The following NELL1 variants were observed in gnomAD, a reference collection of about 807,000 sequenced individuals.
NELL1 encodes neural EGFL like 1.
NELL1 carries 76 observed loss-of-function variants against 107.4 expected under a neutral mutation model. The ratio of observed to expected loss-of-function variants is 0.71; its 90% confidence interval spans 0.59 to 0.86. The LOEUF is 0.86. Among genes scored for constraint, NELL1 ranks in the 40% least tolerant of loss-of-function variants. NELL1 has a pLI of 0.00. For synonymous variants in NELL1, 353 were observed against 341.2 expected (o/e 1.03, Z -0.38); for missense variants, 1,024 against 1,005.5 (o/e 1.02, Z -0.25).
At chr11:21,111,083 C>A (rs1855096280) in intron 12 of NELL1, among the ~76,000 whole-genome samples, 2 of 152,132 alleles carry the variant, frequency 1.3e-5, no homozygotes, top group South Asian at 4.1e-4. Flanking sequence ...TTCCCTTGGC[C>A]TGTTTCACTT....
intron 15 of NELL1, among the ~76,000 whole-genome samples, chr11:21,437,835 T>G (rs528936160): frequency 6.6e-6 from 1 of 152,232 alleles, no homozygotes; most frequent in African/African-American, 2.4e-5. Flanking sequence ...GGTCTTTTTT[T>G]AAAATCAGTT....
intron 2 of NELL1, among the ~76,000 whole-genome samples, chr11:20,680,322 T>C (rs1394705749): frequency 6.6e-6 from 1 of 152,048 alleles, no homozygotes; most frequent in Non-Finnish European, 1.5e-5. Flanking sequence ...GCAAAATACA[T>C]TCACCCCATC....
chr11:21,480,013 T>C (rs1159060486), intron 15 of NELL1, among the ~76,000 whole-genome samples: 1 of 152,206 alleles, frequency 6.6e-6, no homozygotes, highest in African/African-American at 2.4e-5. Context: ...AGTAGTCTTC[T>C]TATCAAGCTC....
chr11:20,953,778 T>C (rs1005546737), intron 11 of NELL1, among the ~76,000 whole-genome samples: 2 of 152,186 alleles, frequency 1.3e-5, no homozygotes, highest in Non-Finnish European at 2.9e-5. Flanking sequence ...CCTTCAAATC[T>C]CTTCTTTAAA....
chr11:21,027,716 A>G (rs1430937957), intron 12 of NELL1, among the ~76,000 whole-genome samples: 1 of 152,134 alleles, frequency 6.6e-6, no homozygotes, highest in Non-Finnish European at 1.5e-5. Context: ...TTTTAAAAAT[A>G]ATTTCTGACT....
intron 14 of NELL1, among the ~76,000 whole-genome samples, chr11:21,315,106 C>T (rs1849848280): frequency 6.6e-6 from 1 of 152,150 alleles, no homozygotes; most frequent in Non-Finnish European, 1.5e-5. Context: ...ATCCGTCTGC[C>T]TTGGCCTCCC....
chr11:20,750,560 G>C (rs935235123), intron 2 of NELL1, among the ~76,000 whole-genome samples: 2 of 76,514 alleles, frequency 2.6e-5, no homozygotes, highest in Non-Finnish European at 6.2e-5. Context: ...AATGTACCTC[G>C]GAATTATTAT....
At chr11:21,004,843 T>C (rs2134278497) in intron 12 of NELL1, among the ~76,000 whole-genome samples, 1 of 152,236 alleles carries the variant, frequency 6.6e-6, no homozygotes, top group Admixed American at 6.5e-5. Flanking sequence ...TTAAAAATAA[T>C]TTTTTGAAGT....
intron 14 of NELL1, among the ~76,000 whole-genome samples, chr11:21,244,465 G>C (rs886358967): frequency 1.3e-5 from 2 of 152,236 alleles, no homozygotes; most frequent in African/African-American, 4.8e-5. Flanking sequence ...CTTGAATGCT[G>C]AATGTACAGA....
intron 3 of NELL1, among the ~76,000 whole-genome samples, chr11:20,828,296 G>A (rs1397770096): frequency 4.2e-5 from 6 of 144,540 alleles, no homozygotes; most frequent in Admixed American, 3.5e-4. Flanking sequence ...TAAAGGGCAT[G>A]ATTTAAATGA....
At chr11:21,035,049 G>A (rs965831704) in intron 12 of NELL1, among the ~76,000 whole-genome samples, 1 of 151,934 alleles carries the variant, frequency 6.6e-6, no homozygotes, top group African/African-American at 2.4e-5. Flanking sequence ...AAGTAATAAG[G>A]GGGATAATAC....
intron 15 of NELL1, among the ~76,000 whole-genome samples, chr11:21,453,727 C>T (rs1853645668): frequency 6.6e-6 from 1 of 150,846 alleles, no homozygotes. Flanking sequence ...TTTTTCCCAC[C>T]TTCTTTAGAG....
intron 15 of NELL1, among the ~76,000 whole-genome samples, chr11:21,448,010 C>T (rs1331164194): frequency 6.6e-6 from 1 of 152,190 alleles, no homozygotes; most frequent in Non-Finnish European, 1.5e-5. Flanking sequence ...TTCTCACAAT[C>T]GCTTTTCTCT....
At chr11:21,482,574 G>A (rs1296236035) in intron 15 of NELL1, among the ~76,000 whole-genome samples, 8 of 152,090 alleles carry the variant, frequency 5.3e-5, no homozygotes, top group African/African-American at 1.9e-4. Flanking sequence ...ACAAATGCTA[G>A]CTGTCTTAAT....
chr11:20,733,642 A>G (rs1048951224), intron 2 of NELL1, among the ~76,000 whole-genome samples: 14 of 152,228 alleles, frequency 9.2e-5, no homozygotes, highest in African/African-American at 2.7e-4. Context: ...CTGTGCAGTC[A>G]TTGAGGCTAC....
intron 14 of NELL1, chr11:21,284,158 G>T: frequency 2.3e-6 from 1 of 441,166 alleles, no homozygotes. Context: ...ACGACACCCT[G>T]CCACCATCAT....
At chr11:21,546,441 T>C (rs941837985) in intron 16 of NELL1, among the ~76,000 whole-genome samples, 1 of 151,906 alleles carries the variant, frequency 6.6e-6, no homozygotes, top group Non-Finnish European at 1.5e-5. Flanking sequence ...CCCACCCAAA[T>C]CTCATTTTGA....
intron 16 of NELL1, among the ~76,000 whole-genome samples, chr11:21,541,025 A>G (rs1856280101): frequency 6.6e-6 from 1 of 152,010 alleles, no homozygotes; most frequent in Admixed American, 6.6e-5. Context: ...AGCAGATTAG[A>G]CTTGTGTTCT....
chr11:20,872,240 C>G, intron 4 of NELL1, among the ~76,000 whole-genome samples: 1 of 144,908 alleles, frequency 6.9e-6, no homozygotes, highest in Non-Finnish European at 1.5e-5. Context: ...GTGGCACAAT[C>G]TGGGCTCACT....
Sources: allele counts gnomAD v4.1 joint callset (sites outside exome capture counted in the v4.1 genomes callset), GRCh38; gene constraint gnomAD v4.1.1; transcripts MANE v1.5; gene names NCBI Gene and HGNC (gene_info 2026-07-23, HGNC 2026-07-21).